The following MAML3 variants were observed in gnomAD, a reference collection of about 807,000 sequenced individuals.
MAML3 encodes the protein mastermind like transcriptional coactivator 3, also known as mastermind-like protein 3.
In MAML3, 27 loss-of-function variants were observed where a neutral mutation model predicts 101.9. The observed-to-expected ratio is 0.27, with a 90% CI of 0.20 to 0.37. The LOEUF (loss-of-function observed/expected upper bound fraction) is 0.37. Ranked by LOEUF, MAML3 falls within the 10% of genes least tolerant of loss-of-function variation. The probability of loss-of-function intolerance (pLI) is 1.00; values close to 1 mark genes in which losing one functional copy is unlikely to be tolerated. For synonymous variants in MAML3, 501 were observed against 555.9 expected (o/e 0.90, Z 1.39); for missense variants, 1,316 against 1,444.9 (o/e 0.91, Z 1.45).
chr4:140,098,260 G>C (rs181097589), intron 1 of MAML3, among the ~76,000 whole-genome samples: 1 of 152,050 alleles, frequency 6.6e-6, no homozygotes, highest in South Asian at 2.1e-4. Flanking sequence ...TTTTGAATCC[G>C]AGCTCTATTA....
At chr4:140,004,227 A>T (rs1159175023) in intron 1 of MAML3, among the ~76,000 whole-genome samples, 3 of 152,198 alleles carry the variant, frequency 2.0e-5, no homozygotes, top group Non-Finnish European at 4.4e-5. Context: ...CAGTTCTCTC[A>T]ATATTCTCAC....
intron 1 of MAML3, among the ~76,000 whole-genome samples, chr4:140,030,238 C>T (rs184537515): frequency 2.6e-4 from 40 of 152,290 alleles, no homozygotes; most frequent in African/African-American, 8.7e-4. Context: ...ACCGATCACA[C>T]GTCAGTGACT....
intron 1 of MAML3, among the ~76,000 whole-genome samples, chr4:140,081,570 A>G (rs1270364531): frequency 6.6e-6 from 1 of 152,238 alleles, no homozygotes; most frequent in Middle Eastern, 3.2e-3. Context: ...GGATTGGCTG[A>G]GCTAAGGGAG....
intron 2 of MAML3, among the ~76,000 whole-genome samples, chr4:139,733,483 T>A (rs1728805316): frequency 6.8e-6 from 1 of 147,780 alleles, no homozygotes; most frequent in African/African-American, 2.5e-5. Context: ...GCAAATGGGG[T>A]GACGACGATA....
chr4:140,118,969 A>G (rs1048198393), intron 1 of MAML3, among the ~76,000 whole-genome samples: 11 of 152,168 alleles, frequency 7.2e-5, no homozygotes, highest in African/African-American at 1.9e-4. Context: ...TTTTTGACAA[A>G]GGATTTGGGA....
intron 2 of MAML3, among the ~76,000 whole-genome samples, chr4:139,800,950 T>C (rs1039949): frequency 0.069 from 10,462 of 152,226 alleles, 596 homozygotes; most frequent in African/African-American, 0.16. Context: ...AAAATGACAT[T>C]GGGATGCTGA....
Position 139,889,812 on chromosome 4 carries a change from T to A in MAML3, c.1624A>T (p.Met542Leu), listed in dbSNP as rs148778901. 6 of 1,614,004 alleles carry A rather than the reference T, an allele frequency of 3.7e-6. No individual in the cohort carries two copies. Among genetic ancestry groups the A allele is most frequent in the South Asian group, 3.3e-5 (3 of 91,092 alleles). Reference protein sequence around the residue: ...FTAEKPNSPMMYPQAFNNQNP... With the variant: ...FTAEKPNSPMLYPQAFNNQNP... ...TGGTTGTTAAAGGCTTGGGGGTACA[T>A]CATTGGGCTATTTGGTTTTTCTGCA... is the stretch of plus-strand genomic sequence containing the variant. Residue 542 changes from methionine to leucine, a missense_variant, in exon 2 of 5, where the codon ATG becomes TTG. By Grantham distance (15) the Met-to-Leu change is conservative. Coordinates refer to ENST00000509479, the MANE Select transcript of MAML3 (RefSeq NM_018717.5).
At chr4:139,951,887 C>T (rs1017307434) in intron 1 of MAML3, among the ~76,000 whole-genome samples, 5 of 151,922 alleles carry the variant, frequency 3.3e-5, no homozygotes, top group African/African-American at 7.3e-5. Context: ...TATTAGGCTG[C>T]GTGCAGTGGC....
chr4:139,856,155 T>C lies in MAML3; in HGVS notation c.2079+33202A>G, dbSNP rs138759245. The stretch of plus-strand genomic sequence containing the variant: ...TCTCCCCTGTTCCTACCCAGCACAA[T>C]GCAAGGCACTTGGTAGCTGTCCAGT... On this transcript the variant is annotated intron_variant, in intron 2 of 4. Coordinates refer to ENST00000509479, the MANE Select transcript of MAML3 (RefSeq NM_018717.5). Among the ~76,000 whole-genome samples, 866 of 152,284 alleles carry C rather than the reference T, an allele frequency of 5.7e-3. 8 individuals carry two copies. Among genetic ancestry groups the C allele is most frequent in the African/African-American group, 0.02 (841 of 41,552 alleles).
intron 1 of MAML3, among the ~76,000 whole-genome samples, chr4:140,110,734 A>T (rs1032993552): frequency 6.6e-6 from 1 of 152,254 alleles, no homozygotes; most frequent in Admixed American, 6.5e-5. Context: ...CTCCGGGTGC[A>T]GGCAGCTCAA....
intron 2 of MAML3, among the ~76,000 whole-genome samples, chr4:139,870,667 G>T (rs934840266): frequency 5.3e-5 from 8 of 151,576 alleles, no homozygotes; most frequent in African/African-American, 1.9e-4. Flanking sequence ...TTTTGGACAG[G>T]GTCTCACTCT....
At chr4:139,795,209 A>C (rs1411021108) in intron 2 of MAML3, among the ~76,000 whole-genome samples, 1 of 152,252 alleles carries the variant, frequency 6.6e-6, no homozygotes, top group Non-Finnish European at 1.5e-5. Flanking sequence ...TAATAAAAAA[A>C]GACTAATTCG....
At chr4:139,888,749 C>T in intron 2 of MAML3, 1 of 477,644 alleles carries the variant, frequency 2.1e-6, no homozygotes, top group South Asian at 1.5e-5. Context: ...ATTGCACTCC[C>T]AAGTAAGAAG....
At chr4:139,823,392 A>T (rs1051996189) in intron 2 of MAML3, among the ~76,000 whole-genome samples, 2 of 152,106 alleles carry the variant, frequency 1.3e-5, no homozygotes, top group Admixed American at 6.5e-5. Context: ...TTTCATAAAG[A>T]CACACATACA....
intron 1 of MAML3, among the ~76,000 whole-genome samples, chr4:139,941,862 G>T (rs533272979): frequency 6.6e-6 from 1 of 152,112 alleles, no homozygotes; most frequent in Non-Finnish European, 1.5e-5. Flanking sequence ...AGCCGGTCAC[G>T]ATGGCTCACA....
chr4:139,865,164 TTCTC>T (rs1186277985), intron 2 of MAML3, among the ~76,000 whole-genome samples: 1 of 152,172 alleles, frequency 6.6e-6, no homozygotes, highest in Admixed American at 6.5e-5. Flanking sequence ...AGCAACTATC[TTCTC>T]TCTGTCTAGC....
chr4:139,864,693 A>G (rs1389377676), intron 2 of MAML3, among the ~76,000 whole-genome samples: 1 of 150,088 alleles, frequency 6.7e-6, no homozygotes, highest in Non-Finnish European at 1.5e-5. Flanking sequence ...AAAAAAAAAA[A>G]AAAAAAGAAA....
chr4:140,052,210 T>C (rs909574714), intron 1 of MAML3, among the ~76,000 whole-genome samples: 8 of 152,182 alleles, frequency 5.3e-5, no homozygotes, highest in Non-Finnish European at 1.0e-4. Flanking sequence ...CTCTAATGTT[T>C]TAGCACTAAA....
At chr4:140,117,660 T>A (rs1296922944) in intron 1 of MAML3, among the ~76,000 whole-genome samples, 1 of 151,572 alleles carries the variant, frequency 6.6e-6, no homozygotes, top group Non-Finnish European at 1.5e-5. Flanking sequence ...TATATATATA[T>A]ATACACATAT....
Sources: allele counts gnomAD v4.1 joint callset (sites outside exome capture counted in the v4.1 genomes callset), GRCh38; gene constraint gnomAD v4.1.1; transcripts MANE v1.5; gene names NCBI Gene and HGNC (gene_info 2026-07-23, HGNC 2026-07-21).